Variants in REC114 observed in about 807,000 individuals in gnomAD.
REC114 encodes the protein meiotic recombination protein REC114.
Under a neutral mutation model 31.3 loss-of-function variants are expected in REC114, and 27 were observed. That is an observed-to-expected ratio of 0.86 (90% confidence interval 0.64 to 1.19). The LOEUF is 1.19. Ranked by LOEUF, REC114 falls within the 50% of genes most tolerant of loss-of-function variation. The pLI is 0.00. For missense variants in REC114, 344 were observed against 326.9 expected (o/e 1.05, Z -0.40); for synonymous variants, 134 against 127.7 (o/e 1.05, Z -0.33).
At chr15:73,520,935 G>A (rs1482074309) in intron 2 of REC114, among the ~76,000 whole-genome samples, 3 of 152,136 alleles carry the variant, frequency 2.0e-5, no homozygotes, top group Admixed American at 2.0e-4. Context: ...GAGATACAGA[G>A]GTTTGTGACA....
intron 2 of REC114, among the ~76,000 whole-genome samples, chr15:73,505,952 C>T (rs1483447548): frequency 1.3e-5 from 2 of 152,132 alleles, no homozygotes; most frequent in Non-Finnish European, 2.9e-5. Flanking sequence ...TTTATTCCTA[C>T]TAATGGAGCG....
chr15:73,498,903 T>C (rs564356046), intron 2 of REC114, among the ~76,000 whole-genome samples: 1 of 152,162 alleles, frequency 6.6e-6, no homozygotes, highest in Non-Finnish European at 1.5e-5. Flanking sequence ...AGATGGATGT[T>C]TTGTAAAATC....
chr15:73,520,325 G>A (rs999966987), intron 2 of REC114, among the ~76,000 whole-genome samples: 3 of 151,974 alleles, frequency 2.0e-5, no homozygotes, highest in Non-Finnish European at 2.9e-5. Context: ...TCTGCCTCCC[G>A]GGTTTAAGCA....
intron 2 of REC114, among the ~76,000 whole-genome samples, chr15:73,480,335 A>G (rs1426634746): frequency 6.6e-6 from 1 of 151,564 alleles, no homozygotes; most frequent in Non-Finnish European, 1.5e-5. Flanking sequence ...TAAATAAATT[A>G]TTTAAATAAA....
intron 1 of REC114, among the ~76,000 whole-genome samples, chr15:73,466,940 C>A (rs1031151101): frequency 6.6e-6 from 1 of 152,146 alleles, no homozygotes; most frequent in Non-Finnish European, 1.5e-5. Context: ...TGTAGTACCA[C>A]AGGGAGGGAA....
chr15:73,508,961 G>T (rs1481883984), intron 2 of REC114, among the ~76,000 whole-genome samples: 1 of 150,414 alleles, frequency 6.6e-6, no homozygotes, highest in African/African-American at 2.4e-5. Context: ...TATATACCCA[G>T]TAATGGGATG....
chr15:73,487,705 A>G (rs998139567), intron 2 of REC114, among the ~76,000 whole-genome samples: 3 of 152,286 alleles, frequency 2.0e-5, no homozygotes, highest in East Asian at 1.9e-4. Flanking sequence ...CCAGGCTAAG[A>G]TCACACTCTG....
chr15:73,543,491 A>C (rs1894267625), intron 3 of REC114, among the ~76,000 whole-genome samples: 6 of 152,128 alleles, frequency 3.9e-5, no homozygotes, highest in Admixed American at 2.6e-4. Context: ...TACCACACCC[A>C]GCTAATTTTG....
chr15:73,458,824 G>A (rs779802177), intron 1 of REC114, among the ~76,000 whole-genome samples: 12 of 152,172 alleles, frequency 7.9e-5, no homozygotes, highest in Non-Finnish European at 1.8e-4. Flanking sequence ...CTAGCTGCAC[G>A]GGCAGCTGGT....
Position 73,489,661 on chromosome 15 carries a change from T to G in REC114, c.249+15740T>G, listed in dbSNP as rs146555605. Among the ~76,000 whole-genome samples the G allele has an allele frequency of 4.8e-3, 728 of 152,030 alleles. 6 individuals are homozygous for G. Among genetic ancestry groups the G allele is most frequent in the African/African-American group, 0.017 (691 of 41,492 alleles). Reference sequence around the variant, plus strand: ...TAATTCTATTATATTATTATTAACTTATGTAAGTTTCAACATTTGAATTTA... The same window carrying G: ...TAATTCTATTATATTATTATTAACTGATGTAAGTTTCAACATTTGAATTTA... On this transcript the variant is annotated intron_variant, in intron 2 of 5. Transcript: ENST00000331090.
intron 2 of REC114, among the ~76,000 whole-genome samples, chr15:73,504,371 GGAATT>G (rs1893646482): frequency 3.3e-5 from 5 of 151,858 alleles, no homozygotes; most frequent in African/African-American, 1.2e-4. Context: ...TTTTTGTATA[GGAATT>G]CAATATTTTT....
chr15:73,466,493 G>T (rs749511138), intron 1 of REC114, among the ~76,000 whole-genome samples: 49 of 152,106 alleles, frequency 3.2e-4, no homozygotes, highest in Non-Finnish European at 6.3e-4. Context: ...GGCAGAGGTT[G>T]CAGTGAGCCA....
chr15:73,524,742 C>T (rs1247745896), intron 2 of REC114, among the ~76,000 whole-genome samples: 1 of 152,108 alleles, frequency 6.6e-6, no homozygotes, highest in Non-Finnish European at 1.5e-5. Flanking sequence ...GGACTACAGG[C>T]ACCCACCACC....
At chr15:73,547,919 G>A (rs1241012842) in intron 3 of REC114, among the ~76,000 whole-genome samples, 1 of 152,080 alleles carries the variant, frequency 6.6e-6, no homozygotes, top group East Asian at 1.9e-4. Flanking sequence ...AGCAAAATAG[G>A]ATCTAATTAA....
At chr15:73,500,168 T>G (rs60758076) in intron 2 of REC114, among the ~76,000 whole-genome samples, 1,737 of 152,250 alleles carry the variant, frequency 0.011, 39 homozygotes, top group African/African-American at 0.04. Flanking sequence ...ATTCCTCATT[T>G]ACCTGTCTCT....
chr15:73,527,557 A>G (rs1894024176), intron 2 of REC114, among the ~76,000 whole-genome samples: 2 of 152,310 alleles, frequency 1.3e-5, no homozygotes, highest in African/African-American at 4.8e-5. Flanking sequence ...CTTTTATCAG[A>G]TATCACAGTC....
chr15:73,520,001 A>G (rs1321689457), intron 2 of REC114, among the ~76,000 whole-genome samples: 1 of 152,240 alleles, frequency 6.6e-6, no homozygotes, highest in African/African-American at 2.4e-5. Flanking sequence ...TTTGATGGGT[A>G]TAGAATATTA....
chr15:73,558,386 A>G (rs1894506213), intron 5 of REC114, among the ~76,000 whole-genome samples: 1 of 152,226 alleles, frequency 6.6e-6, no homozygotes, highest in Admixed American at 6.5e-5. Flanking sequence ...ACTGGAGCCC[A>G]TCATCGTCAT....
At chr15:73,484,262 A>C (rs1433450246) in intron 2 of REC114, among the ~76,000 whole-genome samples, 1 of 152,026 alleles carries the variant, frequency 6.6e-6, no homozygotes, top group Non-Finnish European at 1.5e-5. Flanking sequence ...TAGGGTAGGG[A>C]CTAGAAAGTG....
Sources: gnomAD v4.1 joint callset for allele counts (sites outside exome capture counted in the v4.1 genomes callset) on GRCh38, gnomAD v4.1.1 for gene constraint, MANE v1.5 for transcripts, NCBI Gene and HGNC (gene_info 2026-07-23, HGNC 2026-07-21) for gene names.